PCDHA5: variants seen among roughly 807,000 people sequenced by gnomAD.
PCDHA5 encodes protocadherin alpha-5.
In PCDHA5, 43 loss-of-function variants were observed where a neutral mutation model predicts 61.6. The observed-to-expected ratio is 0.70, with a 90% CI of 0.55 to 0.90. The LOEUF is 0.90. Ranked by LOEUF, PCDHA5 falls within the 40% of genes least tolerant of loss-of-function variation. The pLI is 0.00. For synonymous variants in PCDHA5, 627 were observed against 543.9 expected (o/e 1.15, Z -2.13); for missense variants, 1,298 against 1,222.7 (o/e 1.06, Z -0.92).
At chr5:140,829,306 C>G (rs145661045) in intron 1 of PCDHA5, 10 of 1,614,134 alleles carry the variant, frequency 6.2e-6, no homozygotes, top group Non-Finnish European at 8.5e-6. Flanking sequence ...AGAATTACTA[C>G]TCGTTGGTGC....
rs2150351247 is a variant in PCDHA5, at chr5:140,843,055, C to T, written c.2352+18928C>T. The stretch of plus-strand genomic sequence containing the variant: ...TGGGTGGCACTGGTGGCGCAGCGAG[C>T]AAGCTGGTGCCGCGGTCTGTGGGCG... On this transcript the variant is annotated intron_variant, in intron 1 of 3. Coordinates refer to ENST00000529859, the MANE Select transcript of PCDHA5 (RefSeq NM_018908.3). 5 of 1,595,064 alleles carry T rather than the reference C, an allele frequency of 3.1e-6. 1 individual carries two copies. Among genetic ancestry groups the T allele is most frequent in the Non-Finnish European group, 4.3e-6 (5 of 1,165,218 alleles).
intron 1 of PCDHA5, among the ~76,000 whole-genome samples, chr5:140,936,016 C>T (rs1170221921): frequency 6.6e-6 from 1 of 151,732 alleles, no homozygotes; most frequent in Non-Finnish European, 1.5e-5. Context: ...CCTCAGCCTC[C>T]CGAGTAGCGG....
At chr5:140,975,017 G>A (rs1474947976) in intron 1 of PCDHA5, among the ~76,000 whole-genome samples, 1 of 152,154 alleles carries the variant, frequency 6.6e-6, no homozygotes, top group Non-Finnish European at 1.5e-5. Flanking sequence ...ACACAGCTGG[G>A]CTGTGTTGTC....
At chr5:140,969,149 G>A (rs782510891) in intron 1 of PCDHA5, 89 of 1,614,002 alleles carry the variant, frequency 5.5e-5, no homozygotes, top group Non-Finnish European at 6.8e-5. Context: ...CTGCTACAAG[G>A]CCTGTCTGAC....
intron 1 of PCDHA5, chr5:140,928,280 C>G (rs781831365): frequency 6.2e-7 from 1 of 1,614,194 alleles, no homozygotes; most frequent in East Asian, 2.2e-5. Context: ...CCTGGGGCCT[C>G]TCTAGGCCGA....
rs2150130058 is a variant in PCDHA5 at position 140,823,881 on chromosome 5, C to T, written c.2106C>T (p.Ala702=). 1 of 1,613,970 alleles carries T rather than the reference C, an allele frequency of 6.2e-7. No homozygotes were observed. The highest frequency in any genetic ancestry group is 1.1e-5 in the South Asian group (1 of 91,088). ...ATGTCAACGTGTACCTGATCATCGC[C>T]ATCTGTGCGGTGTCCAGCCTGCTGG... The part of the protein sequence containing the change: ...LVDVNVYLII[A]ICAVSSLLVL... Residue 702 remains alanine (A), a synonymous_variant, in exon 1 of 4, where the codon GCC becomes GCT. Transcript: ENST00000529859.
chr5:140,874,526 T>G (rs2054964457), intron 1 of PCDHA5, among the ~76,000 whole-genome samples: 1 of 152,242 alleles, frequency 6.6e-6, no homozygotes. Flanking sequence ...GTCAATGAGA[T>G]TAGGCTCCAA....
chr5:140,829,617 C>T (rs1429736622), intron 1 of PCDHA5: 1 of 1,612,166 alleles, frequency 6.2e-7, no homozygotes, highest in East Asian at 2.2e-5. Context: ...AGCTACATTT[C>T]GGTGCACGCG....
intron 1 of PCDHA5, chr5:140,875,596 G>C (rs1554167787): frequency 1.9e-6 from 3 of 1,613,938 alleles, no homozygotes; most frequent in African/African-American, 2.7e-5. Flanking sequence ...GGCCAAACAC[G>C]GCACCTTCGT....
At position 140,950,434 on chromosome 5, in the gene PCDHA5, A is replaced by G. The variant is rs554490421; in HGVS notation, c.2353-28515A>G. Among the ~76,000 whole-genome samples, 4 of 152,176 alleles carry G rather than the reference A, an allele frequency of 2.6e-5. No homozygotes were observed. The South Asian group carries it at 8.3e-4, about 32-fold the overall frequency. On this transcript the variant is annotated intron_variant, in intron 1 of 3. Transcript: ENST00000529859. ...AGATTTTATTTTCTTCCACTTAAAA[A>G]AAATGTTATTCTACTGTCTTCTAAT...
intron 1 of PCDHA5, among the ~76,000 whole-genome samples, chr5:140,915,139 G>C (rs2153533338): frequency 6.6e-6 from 1 of 151,944 alleles, no homozygotes; most frequent in Non-Finnish European, 1.5e-5. Flanking sequence ...AGTAGAGACG[G>C]GGTTTCACCA....
At chr5:141,006,403 C>T (rs2098271999) in intron 3 of PCDHA5, among the ~76,000 whole-genome samples, 1 of 151,934 alleles carries the variant, frequency 6.6e-6, no homozygotes, top group Non-Finnish European at 1.5e-5. Context: ...TTAGTAGAGA[C>T]GCGGTTTCAC....
intron 1 of PCDHA5, among the ~76,000 whole-genome samples, chr5:140,878,400 A>G (rs1190004888): frequency 6.6e-6 from 1 of 152,218 alleles, no homozygotes; most frequent in Non-Finnish European, 1.5e-5. Flanking sequence ...TGCTCACAAA[A>G]TATCTTCTTT....
At chr5:140,943,321 G>C (rs1012061757) in intron 1 of PCDHA5, among the ~76,000 whole-genome samples, 3 of 150,454 alleles carry the variant, frequency 2.0e-5, no homozygotes, top group Non-Finnish European at 4.4e-5. Flanking sequence ...TAGCAATATT[G>C]TGTAGTATCC....
At chr5:141,003,510 A>C (rs1468305070) in intron 3 of PCDHA5, among the ~76,000 whole-genome samples, 1 of 152,070 alleles carries the variant, frequency 6.6e-6, no homozygotes, top group African/African-American at 2.4e-5. Context: ...ATGGGGTTTC[A>C]CCATGTTCCC....
chr5:140,993,523 CAG>C (rs111789518), intron 3 of PCDHA5, among the ~76,000 whole-genome samples: 1,510 of 145,458 alleles, frequency 0.01, 24 homozygotes, highest in African/African-American at 0.035. Flanking sequence ...GAGAGAGAGA[CAG>C]AGAGAGAGAG....
intron 1 of PCDHA5, among the ~76,000 whole-genome samples, chr5:140,874,643 G>T (rs1423931291): frequency 1.3e-5 from 2 of 152,178 alleles, no homozygotes; most frequent in Non-Finnish European, 2.9e-5. Flanking sequence ...CTTTACTTTT[G>T]CTAGAGTAAA....
intron 1 of PCDHA5, chr5:140,877,685 C>A (rs377753884): frequency 1.2e-6 from 2 of 1,613,628 alleles, no homozygotes; most frequent in Non-Finnish European, 1.7e-6. Context: ...GGCAAGCCCA[C>A]GCTGGTGTGC....
intron 1 of PCDHA5, chr5:140,968,792 A>G (rs200477554): frequency 2.5e-6 from 4 of 1,614,186 alleles, no homozygotes; most frequent in Admixed American, 3.3e-5. Flanking sequence ...CTCTGTGGCC[A>G]TTACAGTAGC....
Sources: gnomAD v4.1 joint callset for allele counts (sites outside exome capture counted in the v4.1 genomes callset) on GRCh38, gnomAD v4.1.1 for gene constraint, MANE v1.5 for transcripts, NCBI Gene and HGNC (gene_info 2026-07-23, HGNC 2026-07-21) for gene names.